The following MED13L variants were observed in gnomAD, a reference collection of about 807,000 sequenced individuals.
The protein encoded by MED13L is mediator complex subunit 13L, also known as mediator of RNA polymerase II transcription subunit 13-like.
Under a neutral mutation model 220.9 loss-of-function variants are expected in MED13L, and 7 were observed. That is an observed-to-expected ratio of 0.03 (90% CI 0.02 to 0.06). The LOEUF (loss-of-function observed/expected upper bound fraction) is 0.06, where lower values mean the gene tolerates loss of function less well. Ranked by LOEUF, MED13L falls within the 10% of genes least tolerant of loss-of-function variation. The probability of loss-of-function intolerance (pLI) is 1.00; values close to 1 mark genes in which losing one functional copy is unlikely to be tolerated. For missense variants in MED13L, 1,965 were observed against 2,760.5 expected (o/e 0.71, Z 6.46); for synonymous variants, 1,011 against 1,015.2 (o/e 1.00, Z 0.08).
intron 1 of MED13L, among the ~76,000 whole-genome samples, chr12:116,253,219 C>A (rs1261326366): frequency 6.7e-6 from 1 of 148,824 alleles, no homozygotes; most frequent in Non-Finnish European, 1.5e-5. Flanking sequence ...TTGCACTAAG[C>A]CAAGATGGCG....
chr12:116,084,475 CT>C (rs1462418302), intron 4 of MED13L, among the ~76,000 whole-genome samples: 1 of 152,112 alleles, frequency 6.6e-6, no homozygotes, highest in Non-Finnish European at 1.5e-5. Flanking sequence ...TGTCTTGTTT[CT>C]TTCACTGAAG....
chr12:116,165,933 C>T (rs958320774), intron 2 of MED13L, among the ~76,000 whole-genome samples: 6 of 152,140 alleles, frequency 3.9e-5, no homozygotes, highest in East Asian at 1.9e-4. Flanking sequence ...ATTGGTCTTT[C>T]GTTCCTGGAA....
intron 1 of MED13L, among the ~76,000 whole-genome samples, chr12:116,276,178 CCTAACTGCTTCAAGA>C (rs1208022532): frequency 6.6e-6 from 1 of 152,066 alleles, no homozygotes; most frequent in African/African-American, 2.4e-5. Context: ...CAATTGACAC[CCTAACTGCTTCAAGA>C]TTAAGGCAGG....
At chr12:116,147,375 G>A (rs971159835) in intron 2 of MED13L, among the ~76,000 whole-genome samples, 1 of 152,090 alleles carries the variant, frequency 6.6e-6, no homozygotes, top group Non-Finnish European at 1.5e-5. Flanking sequence ...ATAAATTTCA[G>A]TTTAAAACTT....
intron 2 of MED13L, among the ~76,000 whole-genome samples, chr12:116,155,798 T>G (rs540423286): frequency 6.6e-6 from 1 of 152,226 alleles, no homozygotes; most frequent in Non-Finnish European, 1.5e-5. Flanking sequence ...AAATTGTGTC[T>G]GTTCTTCAAA....
chr12:115,970,460 A>T, intron 27 of MED13L, 134 bp downstream of exon 27: 1 of 855,698 alleles, frequency 1.2e-6, no homozygotes, highest in Non-Finnish European at 1.8e-6. Context: ...AGATTCTCAA[A>T]CCTTCTATCC....
At position 115,959,959 on chromosome 12, in the gene MED13L, A is replaced by T. The variant is rs1875656737; in HGVS notation, c.*1307T>A. ...AGTGGCTCCCGGGAGGCCAGTACAC[A>T]CCCACTGTCCTCAGACAGAAACACA... On this transcript the variant is annotated 3_prime_UTR_variant, in exon 31 of 31. Coordinates refer to ENST00000281928, the MANE Select transcript of MED13L (RefSeq NM_015335.5). 1 of 152,548 alleles carries T rather than the reference A, an allele frequency of 6.6e-6. No homozygotes were observed. Among genetic ancestry groups the T allele is most frequent in the Non-Finnish European group, 1.5e-5 (1 of 68,022 alleles). The allele number at this position is 152,548 out of a possible 1,614,324, so 9.4% of individuals were successfully genotyped here. A position where few individuals can be genotyped will look rare whatever the true frequency, so the allele number is the denominator to read the frequency against.
intron 21 of MED13L, 67 bp downstream of exon 21, chr12:115,983,050 G>T (rs1004321980): frequency 1.3e-6 from 2 of 1,523,500 alleles, no homozygotes; most frequent in Admixed American, 3.3e-5. Context: ...AGGGAGAAAA[G>T]GTGCAGAAGA....
In MED13L at chr12:115,984,161, C is replaced by A; in HGVS notation, c.4531+19G>T. 1 of 1,612,006 alleles carries A rather than the reference C, an allele frequency of 6.2e-7. No homozygotes were observed. Among genetic ancestry groups the A allele is most frequent in the Non-Finnish European group, 8.5e-7 (1 of 1,179,422 alleles). On this transcript the variant is annotated intron_variant, in intron 20 of 30. Transcript: ENST00000281928. Reference sequence around the variant, plus strand: ...TTTTACTTCTCCAATTCTACTTTGCCAAATAAATTCCCATTTACCTAGGTG... The same window carrying A: ...TTTTACTTCTCCAATTCTACTTTGCAAAATAAATTCCCATTTACCTAGGTG...
At chr12:116,148,607 ATC>A (rs370738530) in intron 2 of MED13L, 13 of 157,928 alleles carry the variant, frequency 8.2e-5, no homozygotes, top group African/African-American at 3.7e-4. Context: ...ATATGGAGAT[ATC>A]TATATATATA....
intron 2 of MED13L, among the ~76,000 whole-genome samples, chr12:116,198,538 T>G (rs981316573): frequency 6.6e-6 from 1 of 152,190 alleles, no homozygotes; most frequent in Non-Finnish European, 1.5e-5. Context: ...TAGATGTGCC[T>G]CTTCACTGAG....
At chr12:116,045,964 G>T (rs777282682) in intron 4 of MED13L, among the ~76,000 whole-genome samples, 3 of 151,884 alleles carry the variant, frequency 2.0e-5, no homozygotes, top group African/African-American at 7.2e-5. Context: ...AAAATTACAT[G>T]CATGAAGTGA....
Position 116,006,001 on chromosome 12 carries a change from A to G in MED13L, c.2345-8T>C. On this transcript the variant is annotated splice_polypyrimidine_tract_variant and splice_region_variant and intron_variant, in intron 12 of 30. Coordinates refer to ENST00000281928, the MANE Select transcript of MED13L (RefSeq NM_015335.5). ...CATTATCCTGCCGGACATCTGTAGG[A>G]AAGGAGGCAAAAGACACAGAATAAA... 6.2e-7 allele frequency: 1 copy of G among 1,613,888 alleles called. No individual in the cohort carries two copies. The highest frequency in any genetic ancestry group is 8.5e-7 in the Non-Finnish European group (1 of 1,179,856).
intron 2 of MED13L, among the ~76,000 whole-genome samples, chr12:116,171,917 T>G (rs1473902119): frequency 6.6e-6 from 1 of 152,228 alleles, no homozygotes; most frequent in Admixed American, 6.5e-5. Context: ...TGATAATCTT[T>G]GGGAAATTTG....
At chr12:116,045,851 A>G (rs1196973658) in intron 4 of MED13L, among the ~76,000 whole-genome samples, 1 of 151,926 alleles carries the variant, frequency 6.6e-6, no homozygotes, top group Non-Finnish European at 1.5e-5. Flanking sequence ...TTTCAAAATC[A>G]CCAATAACAA....
chr12:116,034,242 C>T (rs1881036337), intron 4 of MED13L, among the ~76,000 whole-genome samples: 2 of 152,096 alleles, frequency 1.3e-5, no homozygotes, highest in Admixed American at 6.5e-5. Flanking sequence ...TTTTACCTAT[C>T]ATTTTGGACC....
At chr12:115,989,757 C>T (rs1325071948) in intron 17 of MED13L, among the ~76,000 whole-genome samples, 2 of 152,288 alleles carry the variant, frequency 1.3e-5, no homozygotes, top group South Asian at 2.1e-4. Context: ...TTTCCCTTAT[C>T]CCCAAAACTC....
At chr12:116,161,102 T>C (rs1878821630) in intron 2 of MED13L, among the ~76,000 whole-genome samples, 1 of 152,124 alleles carries the variant, frequency 6.6e-6, no homozygotes, top group Non-Finnish European at 1.5e-5. Flanking sequence ...CAAGAGACGG[T>C]GCACACTCCT....
intron 4 of MED13L, among the ~76,000 whole-genome samples, chr12:116,040,781 T>C (rs1002022595): frequency 6.7e-6 from 1 of 150,222 alleles, no homozygotes; most frequent in Non-Finnish European, 1.5e-5. Context: ...AGCTTGTATA[T>C]GTTTAGGAGT....
Sources: gnomAD v4.1 joint callset for allele counts (sites outside exome capture counted in the v4.1 genomes callset) on GRCh38, gnomAD v4.1.1 for gene constraint, MANE v1.5 for transcripts, NCBI Gene and HGNC (gene_info 2026-07-23, HGNC 2026-07-21) for gene names.